Variants in PLA2G4B observed in about 807,000 individuals in gnomAD.
The protein encoded by PLA2G4B is cytosolic phospholipase A2 beta.
PLA2G4B carries 122 observed loss-of-function variants against 95.8 expected under a neutral mutation model. The ratio of observed to expected loss-of-function variants is 1.27; its 90% CI spans 1.10 to 1.48. The LOEUF (loss-of-function observed/expected upper bound fraction) is 1.48, where lower values mean the gene tolerates loss of function less well. PLA2G4B is among the 40% of genes most tolerant of loss of function. The probability of loss-of-function intolerance (pLI) is 0.00; values close to 1 mark genes in which losing one functional copy is unlikely to be tolerated. For synonymous variants in PLA2G4B, 518 were observed against 421.5 expected, an observed-to-expected ratio of 1.23 and a Z score of -2.80; for missense variants, 1,158 against 996.2, an observed-to-expected ratio of 1.16 and a Z score of -2.19.
Position 41,847,881 on chromosome 15 carries a change from C to A in PLA2G4B, c.*21C>A. On this transcript the variant is annotated 3_prime_UTR_variant, in exon 20 of 20. Coordinates refer to ENST00000458483, the MANE Select transcript of PLA2G4B (RefSeq NM_001114633.2). ...ACTGATGGCCGGGGCCCCTGCCACCCCTAACTCTCATTCATTCCCTGGCTG... is the reference window on the plus strand; with the variant it reads ...ACTGATGGCCGGGGCCCCTGCCACCACTAACTCTCATTCATTCCCTGGCTG... The A allele has an allele frequency of 6.2e-7, 1 of 1,600,710 alleles. No homozygotes were observed. The highest frequency in any genetic ancestry group is 1.1e-5 in the South Asian group (1 of 90,306).
At chr15:41,845,600 G>A (rs2140896347) in intron 14 of PLA2G4B, 38 bp from the exon 15 acceptor site, 18 of 1,613,332 alleles carry the variant, frequency 1.1e-5, no homozygotes, top group Non-Finnish European at 1.4e-5. Flanking sequence ...GTGCCTAAGG[G>A]CTCTGCACCA....
rs1326145562 is a variant in PLA2G4B, at chr15:41,843,799, GC to G, written c.868del (p.Gln290ArgfsTer8). The stretch of plus-strand genomic sequence containing the variant: ...AGGCCCTGCAGCTGGACGGAGACCT[GC>G]AGGAGGATGAGGTTTGGGGGCTGGG... ...RQALQLDGDL[Q>X]EDEIPVVAIM... On this transcript the variant is annotated frameshift_variant, in exon 11 of 20. Coordinates refer to ENST00000458483, the MANE Select transcript of PLA2G4B (RefSeq NM_001114633.2). LOFTEE classifies it high-confidence loss of function. 16 of 1,613,818 alleles carry G rather than the reference GC, an allele frequency of 9.9e-6. No individual in the cohort carries two copies. Among genetic ancestry groups the G allele is most frequent in the African/African-American group, 1.3e-5 (1 of 74,924 alleles).
At chr15:41,843,395 G>A (rs1197584371) in intron 10 of PLA2G4B, among the ~76,000 whole-genome samples, 1 of 152,154 alleles carries the variant, frequency 6.6e-6, no homozygotes, top group African/African-American at 2.4e-5. Context: ...GGGATCTATG[G>A]TATGGGGCCT....
At chr15:41,846,097 G>C in intron 16 of PLA2G4B, 50 bp downstream of exon 16, 2 of 1,572,420 alleles carry the variant, frequency 1.3e-6, no homozygotes, top group Non-Finnish European at 1.7e-6. Context: ...GCCAGCTGGG[G>C]CTGCACCAGG....
rs758576653 is a variant in PLA2G4B at position 41,846,721 on chromosome 15, G to A, written c.1833G>A (p.Leu611=). ...PNQLTPSEPH[L]CLLDVGYLIN... ...AGCTGACACCCTCGGAGCCCCACCT[G>A]TGCCTGCTGGATGTTGGCTACCTCA... Residue 611 remains leucine, a synonymous_variant, in exon 18 of 20, where the codon CTG becomes CTA. Transcript: ENST00000458483. 1.1e-5 allele frequency: 17 copies of A among 1,613,834 alleles called. 1 individual carries two copies. In the South Asian group the frequency reaches 1.5e-4, roughly 15 times the overall value.
At position 41,841,556 on chromosome 15, in the gene PLA2G4B, A is replaced by G. The variant is rs1157993530; in HGVS notation, c.475A>G (p.Thr159Ala). Residue 159 changes from threonine to alanine, a missense_variant, in exon 7 of 20, where the codon ACA becomes GCA. Transcript: ENST00000458483. ...CTGCTTGCACGTTCAACTGGAGGAG[A>G]CAGGAGACCAGAAGTGTGAGTCCCC... ...LSCLHVQLEETGDQKSSEHRV... is the reference protein window; with the variant it reads ...LSCLHVQLEEAGDQKSSEHRV... 1 of 1,613,898 alleles carries G rather than the reference A, an allele frequency of 6.2e-7. No homozygotes were observed. Among genetic ancestry groups the G allele is most frequent in the Non-Finnish European group, 8.5e-7 (1 of 1,179,958 alleles).
rs145118666 is a variant in PLA2G4B at position 41,841,877 on chromosome 15, C to T, written c.549C>T (p.Ala183=). The part of the protein sequence containing the change: ...VPGSCEGPQE[A]SVGTGTFRFH... Reference sequence around the variant, plus strand: ...GGTCCTGTGAGGGTCCGCAGGAGGCCTCTGTGGGCACTGGCACCTTCCGCT... The same window carrying T: ...GGTCCTGTGAGGGTCCGCAGGAGGCTTCTGTGGGCACTGGCACCTTCCGCT... Residue 183 remains alanine, a synonymous_variant, in exon 8 of 20, where the codon GCC becomes GCT. Coordinates refer to ENST00000458483, the MANE Select transcript of PLA2G4B (RefSeq NM_001114633.2). 2.9e-5 allele frequency: 47 copies of T among 1,613,450 alleles called. No individual in the cohort carries two copies. Among genetic ancestry groups the T allele is most frequent in the African/African-American group, 1.5e-4 (11 of 75,030 alleles).
Position 41,840,198 on chromosome 15 carries a change from T to C in PLA2G4B, c.50T>C (p.Leu17Pro), listed in dbSNP as rs1239330895. 5 of 1,613,232 alleles carry C rather than the reference T, an allele frequency of 3.1e-6. No individual in the cohort carries two copies. In the East Asian group the frequency reaches 1.1e-4, roughly 36 times the overall value. ...ACCTGCCTGCTCACGGTTCGTGTCCTGCAGGCCCATCGCCTACCCTCTAAG... is the reference window on the plus strand; with the variant it reads ...ACCTGCCTGCTCACGGTTCGTGTCCCGCAGGCCCATCGCCTACCCTCTAAG... ...SRTCLLTVRV[L>P]QAHRLPSKDL... The change falls in exon 2 of 20, where the codon CTG (leucine) becomes CCG (proline). Residue 17 changes from leucine to proline, a missense_variant. Leu to Pro is a moderately conservative substitution (Grantham distance 98, BLOSUM62 -3). Transcript: ENST00000458483.
At chr15:41,842,358 T>A (rs915369467) in intron 9 of PLA2G4B, 82 bp downstream of exon 9, 36 of 1,586,292 alleles carry the variant, frequency 2.3e-5, no homozygotes, top group Non-Finnish European at 3.0e-5. Flanking sequence ...TGCTTCCCGC[T>A]TCTCCGTGGG....
intron 17 of PLA2G4B, 75 bp from the exon 18 acceptor site, chr15:41,846,594 C>T: frequency 1.3e-6 from 2 of 1,541,288 alleles, no homozygotes; most frequent in Non-Finnish European, 1.8e-6. Flanking sequence ...GGACCAGAGG[C>T]CAGAGTCTCT....
intron 1 of PLA2G4B, 154 bp from the exon 2 acceptor site, chr15:41,840,004 T>G (rs533478118): frequency 1.2e-5 from 10 of 836,784 alleles, no homozygotes; most frequent in Non-Finnish European, 1.6e-5. Flanking sequence ...GGAGATATCA[T>G]GTCTCCTCTT....
At chr15:41,841,480 TGGGGTTAGTGTCTGA>T in intron 6 of PLA2G4B, 22 bp from the exon 7 acceptor site, 1 of 1,612,122 alleles carries the variant, frequency 6.2e-7, no homozygotes, top group Non-Finnish European at 8.5e-7. Context: ...GAATGGGGGG[TGGGGTTAGTGTCTGA>T]GGGGCTGTCT....
At chr15:41,845,149 A>C in intron 13 of PLA2G4B, 54 bp from the exon 14 acceptor site, 2 of 1,611,066 alleles carry the variant, frequency 1.2e-6, no homozygotes, top group Non-Finnish European at 1.7e-6. Context: ...AGGGTGGGAA[A>C]GGCCCTGGGC....
chr15:41,841,904 C>G lies in PLA2G4B; in HGVS notation c.576C>G (p.Phe192Leu). The part of the protein sequence containing the change: ...EASVGTGTFR[F>L]HCPACWEQEL... The stretch of plus-strand genomic sequence containing the variant: ...CTGTGGGCACTGGCACCTTCCGCTT[C>G]CACTGCCCAGCCTGCTGGGAGCAGG... The change falls in exon 8 of 20, where the codon TTC becomes TTG. Residue 192 changes from phenylalanine to leucine, a missense_variant. Phe to Leu is a conservative substitution (Grantham distance 22). Transcript: ENST00000458483. 6.2e-7 allele frequency: 1 copy of G among 1,613,366 alleles called. No individual in the cohort carries two copies. The highest frequency in any genetic ancestry group is 8.5e-7 in the Non-Finnish European group (1 of 1,179,894).
chr15:41,840,614 C>G lies in PLA2G4B; in HGVS notation c.173C>G (p.Pro58Arg), dbSNP rs1167552222. 2 of 1,614,038 alleles carry G rather than the reference C, an allele frequency of 1.2e-6. No individual in the cohort carries two copies. The highest frequency in any genetic ancestry group is 2.2e-5 in the South Asian group (2 of 91,090). Residue 58 changes from proline to arginine, a missense_variant, in exon 3 of 20, where the codon CCT becomes CGT. Pro to Arg is a moderately radical substitution (Grantham distance 103). Coordinates refer to ENST00000458483, the MANE Select transcript of PLA2G4B (RefSeq NM_001114633.2). The part of the protein sequence containing the change: ...QTRTVKNSSS[P>R]VWNQSFHFRI... Reference sequence around the variant, plus strand: ...CGCACGGTCAAGAACAGCAGTAGCCCTGTCTGGAACCAGAGCTTTCACTTC... The same window carrying G: ...CGCACGGTCAAGAACAGCAGTAGCCGTGTCTGGAACCAGAGCTTTCACTTC...
intron 2 of PLA2G4B, 133 bp from the exon 3 acceptor site, chr15:41,840,391 G>C: frequency 6.3e-7 from 1 of 1,579,956 alleles, no homozygotes; most frequent in South Asian, 1.1e-5. Context: ...GGCAGCTGGG[G>C]CTCTGCCTCT....
chr15:41,845,721 T>C lies in PLA2G4B; in HGVS notation c.1441T>C (p.Phe481Leu). Residue 481 changes from phenylalanine to leucine, a missense_variant, in exon 15 of 20, where the codon TTT (phenylalanine) becomes CTT (leucine). Phe to Leu is a conservative substitution (Grantham distance 22). Transcript: ENST00000458483. ...IPSELFGSEF[F>L]MGQLMKRLPE... ...CTCTGAGCTCTTTGGCTCCGAGTTC[T>C]TTATGGGGCAGCTGATGAAGAGGCT... 1 of 1,612,680 alleles carries C rather than the reference T, an allele frequency of 6.2e-7. No individual in the cohort carries two copies. Among genetic ancestry groups the C allele is most frequent in the South Asian group, 1.1e-5 (1 of 90,904 alleles).
chr15:41,846,149 C>A, intron 16 of PLA2G4B, 54 bp from the exon 17 acceptor site: 2 of 1,595,700 alleles, frequency 1.3e-6, no homozygotes, highest in Non-Finnish European at 1.7e-6. Flanking sequence ...GGGTCACCAC[C>A]AAGGTGGGGA....
intron 12 of PLA2G4B, 90 bp downstream of exon 12, chr15:41,844,697 C>T: frequency 6.3e-7 from 1 of 1,598,554 alleles, no homozygotes; most frequent in Non-Finnish European, 8.5e-7. Flanking sequence ...ACTAGAAGGG[C>T]TGGGAGAATG....
Sources: allele counts gnomAD v4.1 joint callset (sites outside exome capture counted in the v4.1 genomes callset), GRCh38; gene constraint gnomAD v4.1.1; transcripts MANE v1.5; gene names NCBI Gene and HGNC (gene_info 2026-07-23, HGNC 2026-07-21).